The following IMMP2L variants were observed in gnomAD, a reference collection of about 807,000 sequenced individuals.
The protein encoded by IMMP2L is inner mitochondrial membrane peptidase subunit 2.
A neutral mutation model predicts 19.3 loss-of-function variants in IMMP2L; 18 were observed. That is an observed-to-expected ratio of 0.93 (90% confidence interval 0.64 to 1.38). IMMP2L has a LOEUF of 1.38. IMMP2L is among the 40% of genes most tolerant of loss of function. The probability of loss-of-function intolerance (pLI) is 0.00; values close to 1 mark genes in which losing one functional copy is unlikely to be tolerated. For synonymous variants in IMMP2L, 76 were observed against 73.0 expected (o/e 1.04, Z -0.21); for missense variants, 233 against 218.2 (o/e 1.07, Z -0.43).
intron 3 of IMMP2L, among the ~76,000 whole-genome samples, chr7:111,337,243 ATAGTT>A (rs1826518601): frequency 6.6e-6 from 1 of 152,112 alleles, no homozygotes; most frequent in Admixed American, 6.6e-5. Flanking sequence ...AATACACTAA[ATAGTT>A]TATTTTAACT....
chr7:111,397,046 C>T (rs1056628712), intron 3 of IMMP2L, among the ~76,000 whole-genome samples: 3 of 151,842 alleles, frequency 2.0e-5, no homozygotes, highest in Non-Finnish European at 2.9e-5. Context: ...TGAGATCGCG[C>T]CACTGCACTC....
intron 3 of IMMP2L, among the ~76,000 whole-genome samples, chr7:111,316,117 T>C (rs1279263999): frequency 3.3e-5 from 5 of 151,998 alleles, no homozygotes; most frequent in Admixed American, 3.3e-4. Flanking sequence ...ATAAAAAAGG[T>C]ACAGTAAAAA....
At chr7:111,554,868 C>A (rs573319485) in intron 1 of IMMP2L, among the ~76,000 whole-genome samples, 1 of 152,236 alleles carries the variant, frequency 6.6e-6, no homozygotes, top group Admixed American at 6.5e-5. Flanking sequence ...CCCACCTCAG[C>A]CTCCCAAAGT....
chr7:111,368,488 T>C (rs147218604), intron 3 of IMMP2L, among the ~76,000 whole-genome samples: 53 of 152,032 alleles, frequency 3.5e-4, no homozygotes, highest in African/African-American at 1.3e-3. Context: ...TTAGAGTTTA[T>C]TTACGCCAGC....
rs966266254 is a variant in IMMP2L, at chr7:110,760,794, T to G, written c.409-97073A>C. Among the ~76,000 whole-genome samples, 1 of 152,118 alleles carries G rather than the reference T, an allele frequency of 6.6e-6. No homozygotes were observed. The highest frequency in any genetic ancestry group is 2.4e-5 in the African/African-American group (1 of 41,442). ...TTAACAGCTCTGACTAAACACCTAT[T>G]TCTTACTACAAGTGTAGAACGCCAG... On this transcript the variant is annotated intron_variant, in intron 5 of 5. Coordinates refer to ENST00000405709, the MANE Select transcript of IMMP2L (RefSeq NM_032549.4). This position sits in a 1 kb window ranked among gnomAD's most constrained non-coding sequence, Gnocchi z 4.2.
At position 110,663,775 on chromosome 7, in the gene IMMP2L, C is replaced by T. The variant is rs922402335; in HGVS notation, c.409-54G>A. 6.4e-6 allele frequency: 8 copies of T among 1,251,576 alleles called. No homozygotes were observed. The South Asian group carries it at 1.3e-4, about 21-fold the overall frequency. The allele number at this position is 1,251,576 out of a possible 1,614,324, so 77.5% of individuals were successfully genotyped here. A position where few individuals can be genotyped will look rare whatever the true frequency, so the allele number is the denominator to read the frequency against. On this transcript the variant is annotated intron_variant, in intron 5 of 5. Transcript: ENST00000405709. ...AATAAAGAGATCATTTTATAAGAAT[C>T]ATTATTAATAGCTTGAAAGCAGAAT...
chr7:111,557,805 T>C, intron 1 of IMMP2L, among the ~76,000 whole-genome samples: 1 of 152,094 alleles, frequency 6.6e-6, no homozygotes, highest in Non-Finnish European at 1.5e-5. Context: ...TCCATGTACA[T>C]TACTAGCTCA....
In IMMP2L at chr7:111,521,416, T is replaced by C. The variant is rs573192552; in HGVS notation, c.32A>G (p.Tyr11Cys). 7.0e-5 allele frequency: 113 copies of C among 1,612,588 alleles called. No individual in the cohort carries two copies. In the South Asian group the frequency reaches 1.2e-3, roughly 17 times the overall value. Reference protein sequence around the residue: MAQSQGWVKRYIKAFCKGFFV... With the variant: MAQSQGWVKRCIKAFCKGFFV... ...GAAGCCTTTACAAAAGGCCTTGATG[T>C]ATCTTTTCACCCACCCTTGTGACTG... Residue 11 changes from tyrosine to cysteine, a missense_variant, in exon 2 of 6, where the codon TAC becomes TGC. Tyr to Cys is a radical substitution (Grantham distance 194, BLOSUM62 -2). Coordinates refer to ENST00000405709, the MANE Select transcript of IMMP2L (RefSeq NM_032549.4).
At chr7:111,354,444 G>GA (rs1350497467) in intron 3 of IMMP2L, among the ~76,000 whole-genome samples, 5 of 151,662 alleles carry the variant, frequency 3.3e-5, no homozygotes, top group Admixed American at 3.3e-4. Flanking sequence ...AAATAGACAG[G>GA]AAAAATCTTA....
intron 3 of IMMP2L, among the ~76,000 whole-genome samples, chr7:111,293,345 T>C (rs1182448781): frequency 6.6e-6 from 1 of 151,960 alleles, no homozygotes; most frequent in Non-Finnish European, 1.5e-5. Context: ...TAGGTTTCAA[T>C]ATAAAGAAGC....
intron 5 of IMMP2L, among the ~76,000 whole-genome samples, chr7:110,676,166 C>T (rs1473674354): frequency 1.3e-5 from 2 of 152,164 alleles, no homozygotes; most frequent in African/African-American, 4.8e-5. Context: ...ACTGTTTCTT[C>T]TGTGATGTTA....
chr7:111,050,488 G>A (rs10953676), intron 3 of IMMP2L, among the ~76,000 whole-genome samples: 116,441 of 152,086 alleles, frequency 0.77, 47,536 homozygotes, highest in Non-Finnish European at 0.9. Context: ...CTCTCACCCC[G>A]TTTCTATTGA....
At chr7:111,100,950 T>C (rs529857995) in intron 3 of IMMP2L, among the ~76,000 whole-genome samples, 6 of 151,684 alleles carry the variant, frequency 4.0e-5, no homozygotes, top group Admixed American at 1.3e-4. Flanking sequence ...CTTTTAAATA[T>C]CTTTCTATAT....
chr7:110,919,248 T>C (rs2129550279), intron 4 of IMMP2L, among the ~76,000 whole-genome samples: 1 of 152,318 alleles, frequency 6.6e-6, no homozygotes, highest in South Asian at 2.1e-4. Flanking sequence ...TGAATCCTGG[T>C]AATTAATTTC....
intron 3 of IMMP2L, among the ~76,000 whole-genome samples, chr7:111,417,353 T>G (rs776007610): frequency 6.6e-6 from 1 of 151,884 alleles, no homozygotes; most frequent in Non-Finnish European, 1.5e-5. Context: ...CTGGGGATCA[T>G]GCAAAGGGTG....
chr7:111,234,973 G>T (rs185518297), intron 3 of IMMP2L, among the ~76,000 whole-genome samples: 4 of 152,008 alleles, frequency 2.6e-5, no homozygotes, highest in Non-Finnish European at 4.4e-5. Flanking sequence ...GTCTGTAAGG[G>T]GAGAAAATTA....
intron 5 of IMMP2L, among the ~76,000 whole-genome samples, chr7:110,748,582 A>C (rs2130906138): frequency 6.6e-6 from 1 of 152,368 alleles, no homozygotes; most frequent in South Asian, 2.1e-4. Flanking sequence ...GAGAGGCCTC[A>C]GAAATAATGC....
chr7:111,408,766 TA>T (rs1188242033), intron 3 of IMMP2L, among the ~76,000 whole-genome samples: 1 of 151,814 alleles, frequency 6.6e-6, no homozygotes, highest in African/African-American at 2.4e-5. Flanking sequence ...ATGTAGTTAA[TA>T]TTTTTTTTAA....
chr7:111,218,189 G>C (rs952366001), intron 3 of IMMP2L, among the ~76,000 whole-genome samples: 2 of 151,964 alleles, frequency 1.3e-5, no homozygotes, highest in Non-Finnish European at 2.9e-5. Context: ...ATAAACAAGT[G>C]TCCCAAGTAT....
Sources: allele counts gnomAD v4.1 joint callset (sites outside exome capture counted in the v4.1 genomes callset), GRCh38; gene constraint gnomAD v4.1.1; non-coding constraint Gnocchi (gnomAD v3.1); transcripts MANE v1.5; gene names NCBI Gene and HGNC (gene_info 2026-07-23, HGNC 2026-07-21).